Variants in ADGRL3 observed in about 807,000 individuals in gnomAD.
ADGRL3 encodes the protein calcium-independent alpha-latrotoxin receptor 3.
In ADGRL3, 62 loss-of-function variants were observed where a neutral mutation model predicts 153.5. The ratio of observed to expected loss-of-function variants is 0.40; its 90% CI spans 0.33 to 0.50. ADGRL3 has a LOEUF of 0.50. Among genes scored for constraint, ADGRL3 ranks in the 20% least tolerant of loss-of-function variants. The probability of loss-of-function intolerance (pLI) is 0.47; values close to 1 mark genes in which losing one functional copy is unlikely to be tolerated. For missense variants in ADGRL3, 1,641 were observed against 1,859.4 expected (o/e 0.88, Z 2.16); for synonymous variants, 710 against 672.5 (o/e 1.06, Z -0.86).
In ADGRL3 at chr4:61,451,921, C is replaced by T. The variant is rs141229141; in HGVS notation, c.-173-45200C>T. Among the ~76,000 whole-genome samples the T allele has an allele frequency of 2.0e-3, 312 of 152,270 alleles. 2 individuals carry two copies. Among genetic ancestry groups the T allele is most frequent in the African/African-American group, 7.2e-3 (299 of 41,548 alleles). On this transcript the variant is annotated intron_variant, in intron 2 of 26. Transcript: ENST00000683033. ...GAGACCAGATAAAGGGCTTTTGCTA[C>T]AATTGACTACATTTGTTATGTATTG...
intron 17 of ADGRL3, among the ~76,000 whole-genome samples, chr4:61,970,475 T>G (rs1413233212): frequency 6.6e-6 from 1 of 151,962 alleles, no homozygotes; most frequent in Non-Finnish European, 1.5e-5. Context: ...TTAGTTTGGC[T>G]TTTTTTTCTT....
At chr4:61,544,619 C>T (rs947377473) in intron 4 of ADGRL3, among the ~76,000 whole-genome samples, 1 of 151,898 alleles carries the variant, frequency 6.6e-6, no homozygotes, top group African/African-American at 2.4e-5. Context: ...CATTGTTTAC[C>T]CAGTATCAAA....
intron 8 of ADGRL3, among the ~76,000 whole-genome samples, chr4:61,746,650 T>A (rs890417332): frequency 1.2e-4 from 18 of 152,168 alleles, no homozygotes; most frequent in African/African-American, 4.3e-4. Flanking sequence ...AGATGTTCTT[T>A]GAAACCAACA....
At chr4:61,977,251 TGGATAC>T in intron 17 of ADGRL3, among the ~76,000 whole-genome samples, 1 of 151,900 alleles carries the variant, frequency 6.6e-6, no homozygotes, top group Non-Finnish European at 1.5e-5. Context: ...TCAGGTCTTT[TGGATAC>T]ATTTGAGATG....
intron 1 of ADGRL3, among the ~76,000 whole-genome samples, chr4:61,289,762 G>GTAATA (rs2150127514): frequency 6.6e-6 from 1 of 152,108 alleles, no homozygotes; most frequent in African/African-American, 2.4e-5. Flanking sequence ...GGATTCTGGC[G>GTAATA]TAATATAAGG....
At chr4:61,768,448 A>G (rs549579045) in intron 8 of ADGRL3, among the ~76,000 whole-genome samples, 34 of 152,052 alleles carry the variant, frequency 2.2e-4, no homozygotes, top group African/African-American at 8.0e-4. Context: ...AAGATTTGGG[A>G]CGAGTTGCAC....
At chr4:61,829,216 A>G (rs990992697) in intron 9 of ADGRL3, among the ~76,000 whole-genome samples, 2 of 152,228 alleles carry the variant, frequency 1.3e-5, no homozygotes, top group Non-Finnish European at 2.9e-5. Context: ...TATGTCAGAT[A>G]TGATCATCTG....
At chr4:61,508,358 C>G (rs2098443387) in intron 3 of ADGRL3, among the ~76,000 whole-genome samples, 1 of 152,054 alleles carries the variant, frequency 6.6e-6, no homozygotes. Flanking sequence ...TGAAATGTTT[C>G]CCTTTAGCTT....
intron 9 of ADGRL3, among the ~76,000 whole-genome samples, chr4:61,852,287 A>T (rs982106606): frequency 5.7e-5 from 6 of 105,810 alleles, no homozygotes; most frequent in Admixed American, 8.7e-5. Context: ...ATTTTATTTT[A>T]ATTTTATTTT....
At chr4:61,426,039 C>T (rs945505120) in intron 2 of ADGRL3, among the ~76,000 whole-genome samples, 2 of 152,208 alleles carry the variant, frequency 1.3e-5, no homozygotes, top group African/African-American at 4.8e-5. Context: ...GGGGCTGGGC[C>T]ACCTTTCTGT....
intron 4 of ADGRL3, 100 bp downstream of exon 4, chr4:61,517,618 T>G (rs1264117651): frequency 3.0e-6 from 2 of 657,328 alleles, no homozygotes; most frequent in Non-Finnish European, 5.6e-6. Flanking sequence ...TCTTGTAAGT[T>G]TACTGTCTGC....
rs3065826 is a variant in ADGRL3, at chr4:61,867,515, C to CATATATAT, written c.1481-25123_1481-25116dup. ...ACCCTGTCTCAAAAAAATATATATG[C>CATATATAT]ATATATATATATATATATATATATA... On this transcript the variant is annotated intron_variant, in intron 9 of 26. Transcript: ENST00000683033. Among the ~76,000 whole-genome samples, 661 of 81,132 alleles carry CATATATAT rather than the reference C, an allele frequency of 8.1e-3. 36 individuals carry two copies. The highest frequency in any genetic ancestry group is 0.018 in the African/African-American group (434 of 24,460). 53.2% of individuals were successfully genotyped at this position (81,132 alleles called of 152,430 possible).
chr4:61,782,558 G>T (rs1427800769), intron 8 of ADGRL3, among the ~76,000 whole-genome samples: 1 of 152,096 alleles, frequency 6.6e-6, no homozygotes, highest in Non-Finnish European at 1.5e-5. Context: ...AAATATTTTA[G>T]AATGCTTTGG....
intron 3 of ADGRL3, among the ~76,000 whole-genome samples, chr4:61,497,816 G>A (rs763027165): frequency 1.7e-4 from 26 of 151,752 alleles, no homozygotes; most frequent in Non-Finnish European, 2.6e-4. Flanking sequence ...GAGCCACCGC[G>A]CCCAGCCCAT....
chr4:61,410,993 A>G (rs2097080067), intron 2 of ADGRL3, among the ~76,000 whole-genome samples: 1 of 152,174 alleles, frequency 6.6e-6, no homozygotes, highest in Non-Finnish European at 1.5e-5. Flanking sequence ...ATTGGGCTTT[A>G]CTTACAAAAC....
At position 61,744,148 on chromosome 4, in the gene ADGRL3, C is replaced by T. The variant is rs1048605108; in HGVS notation, c.1399+10594C>T. On this transcript the variant is annotated intron_variant, in intron 8 of 26. Coordinates refer to ENST00000683033, the MANE Select transcript of ADGRL3 (RefSeq NM_001387552.1). ...CTGAGATCAAACTGCAAGGCAGCAG[C>T]GAGGCTGGGGGAGGGGCACCCACCA... Among the ~76,000 whole-genome samples, 7 of 152,106 alleles carry T rather than the reference C, an allele frequency of 4.6e-5. No individual in the cohort carries two copies. In the South Asian group the frequency reaches 8.3e-4, roughly 18 times the overall value.
At chr4:61,273,146 C>A (rs72634736) in intron 1 of ADGRL3, among the ~76,000 whole-genome samples, 3 of 152,056 alleles carry the variant, frequency 2.0e-5, no homozygotes, top group Non-Finnish European at 4.4e-5. Context: ...TTGTTGCTAT[C>A]GTTTTTAACA....
chr4:61,396,339 A>G lies in ADGRL3; in HGVS notation c.-174+13150A>G, dbSNP rs187999612. On this transcript the variant is annotated intron_variant, in intron 2 of 26. Coordinates refer to ENST00000683033, the MANE Select transcript of ADGRL3 (RefSeq NM_001387552.1). ...TGGCCCATTTCTGTCATTACTGATG[A>G]TAAAGTTTTTAATTTTAAAAAAGAA... Among the ~76,000 whole-genome samples the G allele has an allele frequency of 5.3e-5, 8 of 152,078 alleles. No homozygotes were observed. In the East Asian group the frequency reaches 5.8e-4, roughly 11 times the overall value.
intron 21 of ADGRL3, among the ~76,000 whole-genome samples, chr4:62,027,278 A>T (rs1719206228): frequency 6.6e-6 from 1 of 151,948 alleles, no homozygotes; most frequent in Non-Finnish European, 1.5e-5. Context: ...GCATTATTCA[A>T]ATATCTCTTG....
Sources: allele counts gnomAD v4.1 joint callset (sites outside exome capture counted in the v4.1 genomes callset), GRCh38; gene constraint gnomAD v4.1.1; transcripts MANE v1.5; gene names NCBI Gene and HGNC (gene_info 2026-07-23, HGNC 2026-07-21).